The following SHE variants were observed in gnomAD, a reference collection of about 807,000 sequenced individuals.
SHE encodes the protein SH2 domain-containing adapter protein E.
SHE carries 11 observed loss-of-function variants against 49.8 expected under a neutral mutation model. The ratio of observed to expected loss-of-function variants is 0.22; its 90% CI spans 0.14 to 0.37. The LOEUF (loss-of-function observed/expected upper bound fraction) is 0.37. Ranked by LOEUF, SHE falls within the 10% of genes least tolerant of loss-of-function variation. The pLI is 1.00. For missense variants in SHE, 624 were observed against 655.5 expected, an observed-to-expected ratio of 0.95 and a Z score of 0.52; for synonymous variants, 310 against 278.1, an observed-to-expected ratio of 1.11 and a Z score of -1.14.
chr1:154,481,884 C>G lies in SHE; in HGVS notation c.*2265G>C. On this transcript the variant is annotated 3_prime_UTR_variant, in exon 6 of 6. Transcript: ENST00000304760. ...TTGCTTGTTGAGACAGGGTCTCACT[C>G]TGTCACTCAGGCTGGAGTGCAATGG... 2 of 786,630 alleles carry G rather than the reference C, an allele frequency of 2.5e-6. No individual in the cohort carries two copies. Among genetic ancestry groups the G allele is most frequent in the Non-Finnish European group, 3.1e-6 (2 of 648,790 alleles). 48.7% of individuals were successfully genotyped at this position (786,630 alleles called of 1,614,324 possible). A position where few individuals can be genotyped will look rare whatever the true frequency, so the allele number is the denominator to read the frequency against.
At chr1:154,469,922 T>A (rs1691702902) in exon 2 of SHE, 1 of 166,558 alleles carries the variant, frequency 6.0e-6, no homozygotes, top group African/African-American at 2.4e-5. Flanking sequence ...GCCATCCACA[T>A]CTTCCAAACA....
chr1:154,501,543 G>A lies in SHE; in HGVS notation c.484C>T (p.Pro162Ser), dbSNP rs1692748920. 1 of 1,614,126 alleles carries A rather than the reference G, an allele frequency of 6.2e-7. No homozygotes were observed. Among genetic ancestry groups the A allele is most frequent in the East Asian group, 2.2e-5 (1 of 44,878 alleles). ...CTGGAGCTGGAGCTACTGCTGCTGG[G>A]GTAGTTGCTCTTCCCGTTCTTCTCC... ...TQEKNGKSNY[P>S]SSSSSSSSSS... is the part of the protein sequence containing the mutation. The change falls in exon 1 of 6, where the codon CCC (proline) becomes TCC (serine). Residue 162 changes from proline (P) to serine (S), a missense_variant. Physicochemically the swap from Pro to Ser is moderately conservative, Grantham distance 74. Coordinates refer to ENST00000304760, the MANE Select transcript of SHE (RefSeq NM_001010846.3).
Position 154,484,204 on chromosome 1 carries a change from A to G in SHE, c.1433T>C (p.Phe478Ser). The G allele has an allele frequency of 6.2e-7, 1 of 1,614,200 alleles. No individual in the cohort carries two copies. Among genetic ancestry groups the G allele is most frequent in the Non-Finnish European group, 8.5e-7 (1 of 1,180,036 alleles). The change falls in exon 6 of 6, where the codon TTC (phenylalanine) becomes TCC (serine). Residue 478 changes from phenylalanine to serine, a missense_variant. Transcript: ENST00000304760. The stretch of plus-strand genomic sequence containing the variant: ...TAAAGTCATGTGTTCTGCCCCTTTG[A>G]AAGGCAACTTTTCATTGGAATAATA... ...VHYYSNEKLP[F>S]KGAEHMTLLY...
chr1:154,470,470 G>T (rs1243489920), intron 1 of SHE: 3 of 1,053,954 alleles, frequency 2.8e-6, no homozygotes, highest in Non-Finnish European at 3.9e-6. Context: ...ATATCTGTGA[G>T]AATTACAGGG....
chr1:154,482,600 A>G lies in SHE; in HGVS notation c.*1549T>C. The stretch of plus-strand genomic sequence containing the variant: ...CATATGGGGCAGTTTTGAGACCCAA[A>G]TGACCAACCCCAGAATACAGACACA... On this transcript the variant is annotated 3_prime_UTR_variant, in exon 6 of 6. Transcript: ENST00000304760. 1.0e-6 allele frequency: 1 copy of G among 985,456 alleles called. No individual in the cohort carries two copies. Among genetic ancestry groups the G allele is most frequent in the African/African-American group, 1.7e-5 (1 of 57,372 alleles). The allele number at this position is 985,456 out of a possible 1,614,324, so 61.0% of individuals were successfully genotyped here.
In SHE at chr1:154,486,580, C is replaced by A. The variant is rs368097668; in HGVS notation, c.1128G>T (p.Ser376=). 6.2e-7 allele frequency: 1 copy of A among 1,614,150 alleles called. No homozygotes were observed. Among genetic ancestry groups the A allele is most frequent in the East Asian group, 2.2e-5 (1 of 44,876 alleles). ...WTQKILKPAL[S]DHSEGEKVDP... ...CCACTTTCTCTCCCTCACTGTGGTCCGAGAGGGCTGGCTTCAGGATCTTCT... is the reference window on the plus strand; with the variant it reads ...CCACTTTCTCTCCCTCACTGTGGTCAGAGAGGGCTGGCTTCAGGATCTTCT... Residue 376 remains serine (S), a synonymous_variant, in exon 4 of 6, where the codon TCG becomes TCT. Transcript: ENST00000304760.
Position 154,485,961 on chromosome 1 carries a change from C to T in SHE, c.1283G>A (p.Arg428Lys). ...TACTTACTTTAGGGCAATGGAGTAC[C>T]TGCTGTTCCCTGACTCACTATTTCG... ...LVRNSESGNS[R>K]YSIALKTSQG... Residue 428 changes from arginine (R) to lysine (K), a missense_variant, in exon 5 of 6, where the codon AGG (arginine) becomes AAG (lysine). Physicochemically the swap from Arg to Lys is conservative, Grantham distance 26 (BLOSUM62 2). Coordinates refer to ENST00000304760, the MANE Select transcript of SHE (RefSeq NM_001010846.3). The T allele has an allele frequency of 6.2e-7, 1 of 1,614,098 alleles. No homozygotes were observed. Among genetic ancestry groups the T allele is most frequent in the South Asian group, 1.1e-5 (1 of 91,082 alleles).
chr1:154,484,425 G>A, intron 5 of SHE, 90 bp from the exon 6 acceptor site: 1 of 1,093,726 alleles, frequency 9.1e-7, no homozygotes. Flanking sequence ...ACACTAGGTT[G>A]ATAGGTTCTC....
downstream of SHE, among the ~76,000 whole-genome samples, chr1:154,476,811 A>G (rs1691887772): frequency 6.6e-6 from 1 of 152,224 alleles, no homozygotes; most frequent in Non-Finnish European, 1.5e-5. Flanking sequence ...TCATCAAGTA[A>G]TAATTTATCT....
intron 2 of SHE, among the ~76,000 whole-genome samples, chr1:154,490,187 GAAT>G (rs1236392296): frequency 3.9e-5 from 6 of 152,138 alleles, no homozygotes; most frequent in Non-Finnish European, 5.9e-5. Flanking sequence ...ACACATTCAC[GAAT>G]AATATGTATT....
chr1:154,501,963 A>C lies in SHE; in HGVS notation c.64T>G (p.Ser22Ala). 1 of 1,430,718 alleles carries C rather than the reference A, an allele frequency of 7.0e-7. No individual in the cohort carries two copies. Among genetic ancestry groups the C allele is most frequent in the Non-Finnish European group, 9.1e-7 (1 of 1,102,498 alleles). 88.6% of individuals were successfully genotyped at this position (1,430,718 alleles called of 1,614,324 possible). The change falls in exon 1 of 6, where the codon TCC (serine) becomes GCC (alanine). Residue 22 changes from serine to alanine, a missense_variant. This residue lies in a region of SHE where 337 missense variants were observed against 306.0 expected (regional missense o/e 1.10). Coordinates refer to ENST00000304760, the MANE Select transcript of SHE (RefSeq NM_001010846.3). ...CGGCCCAGGAGCGTCGGGGCCGTGG[A>C]GCAGGCGAGCGAGGAAGCCCAGCCC... ...CLGWASSLAC[S>A]TAPTLLGRAG...
In SHE at chr1:154,480,740, T is replaced by C. The variant is rs904178042; in HGVS notation, c.*3409A>G. On this transcript the variant is annotated 3_prime_UTR_variant, in exon 6 of 6. Transcript: ENST00000304760. ...ATCAATATTTACCTTTTTGTATACATATTAACACTTCTCCATTATTTTATT... is the reference window on the plus strand; with the variant it reads ...ATCAATATTTACCTTTTTGTATACACATTAACACTTCTCCATTATTTTATT... 7 of 985,296 alleles carry C rather than the reference T, an allele frequency of 7.1e-6. No individual in the cohort carries two copies. The highest frequency in any genetic ancestry group is 5.2e-5 in the African/African-American group (3 of 57,238). 61.0% of individuals were successfully genotyped at this position (985,296 alleles called of 1,614,324 possible).
chr1:154,501,023 A>G (rs546453213), intron 1 of SHE, among the ~76,000 whole-genome samples: 3 of 152,306 alleles, frequency 2.0e-5, no homozygotes, highest in South Asian at 2.1e-4. Context: ...TTTGAAATGC[A>G]TATCTACACA....
rs547163631 is a variant in SHE, at chr1:154,496,709, C to T, written c.718+2403G>A. Among the ~76,000 whole-genome samples the T allele has an allele frequency of 1.0e-3, 156 of 151,792 alleles. 4 individuals are homozygous for T. The South Asian group carries it at 0.03, about 29-fold the overall frequency. On this transcript the variant is annotated intron_variant, in intron 2 of 5. Coordinates refer to ENST00000304760, the MANE Select transcript of SHE (RefSeq NM_001010846.3). ...TGTCACCCTGTCACAAGGGGGACAG[C>T]ATTGTAGTCCCCTAGCTTATAGAGC...
intron 4 of SHE, 88 bp downstream of exon 4, chr1:154,486,439 T>C: frequency 6.6e-7 from 1 of 1,512,746 alleles, no homozygotes; most frequent in Non-Finnish European, 8.9e-7. Flanking sequence ...ACAAAAATAA[T>C]CATGTGAAAT....
rs763917656 is a variant in SHE, at chr1:154,499,233, G to C, written c.597C>G (p.Ile199Met). 14 of 1,612,686 alleles carry C rather than the reference G, an allele frequency of 8.7e-6. No homozygotes were observed. The highest frequency in any genetic ancestry group is 1.2e-5 in the Non-Finnish European group (14 of 1,179,382). ...GKIIKQQETV[I>M]ILEDYADPYD... ...AAGGGTCAGCATAGTCTTCTAAAATGATGACCTGAAAAAGAACAAGAGAGG... is the reference window on the plus strand; with the variant it reads ...AAGGGTCAGCATAGTCTTCTAAAATCATGACCTGAAAAAGAACAAGAGAGG... Residue 199 changes from isoleucine to methionine, a missense_variant, in exon 2 of 6, where the codon ATC becomes ATG. Coordinates refer to ENST00000304760, the MANE Select transcript of SHE (RefSeq NM_001010846.3).
At chr1:154,490,364 T>C (rs796990617) in intron 2 of SHE, among the ~76,000 whole-genome samples, 10 of 152,366 alleles carry the variant, frequency 6.6e-5, no homozygotes, top group African/African-American at 2.4e-4. Flanking sequence ...GATATCATTA[T>C]TTCCCCATTA....
At chr1:154,498,840 G>A (rs1343121235) in intron 2 of SHE, among the ~76,000 whole-genome samples, 1 of 152,166 alleles carries the variant, frequency 6.6e-6, no homozygotes, top group Non-Finnish European at 1.5e-5. Flanking sequence ...ATCATATTCT[G>A]AGCAGATCTG....
intron 2 of SHE, among the ~76,000 whole-genome samples, chr1:154,496,561 G>A (rs79587430): frequency 0.025 from 3,762 of 152,180 alleles, 153 homozygotes; most frequent in African/African-American, 0.086. Context: ...TGTCCTGAAC[G>A]CCATGTGGTG....
Sources: gnomAD v4.1 joint callset for allele counts (sites outside exome capture counted in the v4.1 genomes callset) on GRCh38, gnomAD v4.1.1 for gene constraint, gnomAD v4.1.1 regional missense constraint, MANE v1.5 for transcripts, NCBI Gene and HGNC (gene_info 2026-07-23, HGNC 2026-07-21) for gene names.